DGKB: variants seen among roughly 807,000 people sequenced by gnomAD.
The protein encoded by DGKB is diacylglycerol kinase beta, also known as 90 kDa diacylglycerol kinase.
Under a neutral mutation model 114.3 loss-of-function variants are expected in DGKB, and 67 were observed. The observed-to-expected ratio is 0.59, with a 90% confidence interval of 0.48 to 0.72. DGKB has a LOEUF of 0.72. DGKB is among the 30% of genes least tolerant of loss of function. The pLI is 0.00. For missense variants in DGKB, 907 were observed against 975.2 expected (o/e 0.93, Z 0.93); for synonymous variants, 398 against 323.1 (o/e 1.23, Z -2.49).
At chr7:14,259,467 C>T (rs796996525) in intron 23 of DGKB, among the ~76,000 whole-genome samples, 7 of 151,998 alleles carry the variant, frequency 4.6e-5, no homozygotes, top group African/African-American at 1.4e-4. Context: ...TGCTCTGTCA[C>T]GCAGGCTGGA....
intron 21 of DGKB, among the ~76,000 whole-genome samples, chr7:14,458,007 T>C (rs928547901): frequency 6.6e-6 from 1 of 152,220 alleles, no homozygotes; most frequent in African/African-American, 2.4e-5. Flanking sequence ...GCTGAGTGCA[T>C]GTGGGCTAGC....
intron 25 of DGKB, among the ~76,000 whole-genome samples, chr7:14,169,340 G>A (rs528054711): frequency 6.8e-6 from 1 of 147,954 alleles, no homozygotes; most frequent in East Asian, 2.0e-4. Flanking sequence ...ACTCCAGCCT[G>A]GGCAACAGAG....
At chr7:14,631,401 C>T (rs962136026) in intron 13 of DGKB, among the ~76,000 whole-genome samples, 2 of 151,822 alleles carry the variant, frequency 1.3e-5, no homozygotes, top group Non-Finnish European at 2.9e-5. Flanking sequence ...AAGAAGAGGT[C>T]TAGCACAGCC....
chr7:14,150,806 C>T (rs1270217775), intron 25 of DGKB, among the ~76,000 whole-genome samples: 2 of 152,042 alleles, frequency 1.3e-5, no homozygotes, highest in Non-Finnish European at 2.9e-5. Context: ...GAGATTTAAA[C>T]TCCTCTGAAA....
intron 5 of DGKB, among the ~76,000 whole-genome samples, chr7:14,723,429 G>C (rs1159758467): frequency 6.6e-6 from 1 of 152,124 alleles, no homozygotes; most frequent in Non-Finnish European, 1.5e-5. Context: ...CAAGTGATCA[G>C]AGCTAAATAT....
At chr7:14,314,078 G>A (rs965525299) in intron 23 of DGKB, among the ~76,000 whole-genome samples, 3 of 152,094 alleles carry the variant, frequency 2.0e-5, no homozygotes, top group Non-Finnish European at 4.4e-5. Flanking sequence ...GGTCCTGTCT[G>A]TTAGAAGGAA....
intron 9 of DGKB, among the ~76,000 whole-genome samples, chr7:14,691,052 T>A (rs1822770711): frequency 6.6e-6 from 1 of 152,230 alleles, no homozygotes; most frequent in Admixed American, 6.5e-5. Flanking sequence ...TGGTATAGAA[T>A]CTGGTCCCCA....
chr7:14,468,010 T>G (rs1034076455), intron 21 of DGKB, among the ~76,000 whole-genome samples: 7 of 152,180 alleles, frequency 4.6e-5, no homozygotes, highest in African/African-American at 1.7e-4. Context: ...CAAGAATCAA[T>G]TGATTCTATT....
intron 21 of DGKB, among the ~76,000 whole-genome samples, chr7:14,376,541 T>C (rs1818508734): frequency 6.6e-6 from 1 of 152,130 alleles, no homozygotes; most frequent in Admixed American, 6.5e-5. Flanking sequence ...CGAATAATTT[T>C]CCTATCTCCC....
intron 13 of DGKB, among the ~76,000 whole-genome samples, chr7:14,658,146 G>A (rs547227212): frequency 1.3e-5 from 2 of 151,932 alleles, no homozygotes; most frequent in East Asian, 1.9e-4. Flanking sequence ...ATGGTTTTCT[G>A]AGGGTGTTAT....
intron 4 of DGKB, among the ~76,000 whole-genome samples, chr7:14,736,835 G>T (rs1168721844): frequency 6.6e-6 from 1 of 152,158 alleles, no homozygotes; most frequent in Non-Finnish European, 1.5e-5. Flanking sequence ...GAGAATTGTG[G>T]TGGTGTTAAG....
chr7:14,459,763 G>A (rs566491995), intron 21 of DGKB, among the ~76,000 whole-genome samples: 5 of 151,974 alleles, frequency 3.3e-5, no homozygotes, highest in Non-Finnish European at 5.9e-5. Context: ...AAAGATACTC[G>A]TTGAGAAGAG....
Position 14,757,683 on chromosome 7 carries a change from C to T in DGKB, c.119G>A (p.Gly40Asp). ...KDVLEEFHGN[G>D]VLAKYNPEGK... Reference sequence around the variant, plus strand: ...TTCAGGATTATACTTTGCAAGCACACCATTACCATGGAATTCTTCAAGAAC... The same window carrying T: ...TTCAGGATTATACTTTGCAAGCACATCATTACCATGGAATTCTTCAAGAAC... The change falls in exon 3 of 26, where the codon GGT becomes GAT. Residue 40 changes from glycine (G) to aspartate (D), a missense_variant. Around this residue, in one of 3 missense-constraint regions of DGKB, gnomAD observed 814 missense variants for 856.6 expected, o/e 0.95. Transcript: ENST00000402815. The T allele has an allele frequency of 1.9e-6, 3 of 1,605,126 alleles. No homozygotes were observed. Among genetic ancestry groups the T allele is most frequent in the South Asian group, 1.1e-5 (1 of 90,306 alleles).
intron 23 of DGKB, among the ~76,000 whole-genome samples, chr7:14,325,911 T>C (rs1167861241): frequency 1.3e-5 from 2 of 152,126 alleles, no homozygotes; most frequent in East Asian, 1.9e-4. Flanking sequence ...TTAAATTTTA[T>C]AGAAAAATAA....
At chr7:14,545,203 T>C (rs974074454) in intron 20 of DGKB, among the ~76,000 whole-genome samples, 1 of 152,122 alleles carries the variant, frequency 6.6e-6, no homozygotes, top group South Asian at 2.1e-4. Flanking sequence ...AATAACATGA[T>C]ACACAGTACA....
chr7:14,769,033 C>A (rs933372392), intron 2 of DGKB, among the ~76,000 whole-genome samples: 1 of 143,458 alleles, frequency 7.0e-6, no homozygotes, highest in Non-Finnish European at 1.5e-5. Context: ...CTGGTAAAAA[C>A]AAAGCTACCC....
At chr7:14,399,709 T>C (rs1822793944) in intron 21 of DGKB, among the ~76,000 whole-genome samples, 1 of 151,888 alleles carries the variant, frequency 6.6e-6, no homozygotes, top group African/African-American at 2.4e-5. Context: ...TGGGATGACA[T>C]CCAAATTATG....
chr7:14,243,900 C>T (rs1042371866), intron 23 of DGKB, among the ~76,000 whole-genome samples: 14 of 152,122 alleles, frequency 9.2e-5, no homozygotes, highest in Non-Finnish European at 2.1e-4. Context: ...ACCATCTTTG[C>T]TATTTGATGT....
At chr7:14,666,596 T>C (rs1818068717) in intron 13 of DGKB, among the ~76,000 whole-genome samples, 1 of 152,000 alleles carries the variant, frequency 6.6e-6, no homozygotes, top group Non-Finnish European at 1.5e-5. Context: ...GAAGGGTTAA[T>C]GGCCTTTTAT....
Sources: gnomAD v4.1 joint callset for allele counts (sites outside exome capture counted in the v4.1 genomes callset) on GRCh38, gnomAD v4.1.1 for gene constraint, gnomAD v4.1.1 regional missense constraint, MANE v1.5 for transcripts, NCBI Gene and HGNC (gene_info 2026-07-23, HGNC 2026-07-21) for gene names.